Variants in SETBP1 observed in about 807,000 individuals in gnomAD.
The protein encoded by SETBP1 is SET-binding protein.
In SETBP1, 9 loss-of-function variants were observed where a neutral mutation model predicts 101.0. That is an observed-to-expected ratio of 0.09 (90% CI 0.05 to 0.16). The LOEUF (loss-of-function observed/expected upper bound fraction) is 0.16, where lower values mean the gene tolerates loss of function less well. SETBP1 is among the 10% of genes least tolerant of loss of function. SETBP1 has a pLI of 1.00. For synonymous variants in SETBP1, 818 were observed against 788.5 expected, an observed-to-expected ratio of 1.04 and a Z score of -0.63; for missense variants, 1,858 against 2,033.8, an observed-to-expected ratio of 0.91 and a Z score of 1.66.
chr18:45,016,282 G>A (rs904585696), intron 4 of SETBP1, among the ~76,000 whole-genome samples: 3 of 152,156 alleles, frequency 2.0e-5, no homozygotes, highest in Non-Finnish European at 2.9e-5. Flanking sequence ...CAGCCACAGC[G>A]TCTAGGAGAA....
At chr18:44,769,130 G>C (rs1335197485) in intron 2 of SETBP1, among the ~76,000 whole-genome samples, 1 of 152,200 alleles carries the variant, frequency 6.6e-6, no homozygotes, top group East Asian at 1.9e-4. Context: ...TGGTTTGGTG[G>C]TTGGTCCAGA....
At chr18:44,770,990 G>T (rs771667430) in intron 2 of SETBP1, among the ~76,000 whole-genome samples, 1 of 152,030 alleles carries the variant, frequency 6.6e-6, no homozygotes, top group Non-Finnish European at 1.5e-5. Flanking sequence ...GTGGCCTGCT[G>T]CATATTGAGC....
At chr18:45,062,876 C>T (rs2073910798) in intron 5 of SETBP1, among the ~76,000 whole-genome samples, 1 of 152,072 alleles carries the variant, frequency 6.6e-6, no homozygotes. Flanking sequence ...AAGTACTTTG[C>T]ATGCACAGTG....
intron 2 of SETBP1, among the ~76,000 whole-genome samples, chr18:44,801,202 G>A (rs999367321): frequency 6.6e-6 from 1 of 152,134 alleles, no homozygotes; most frequent in East Asian, 1.9e-4. Context: ...AATGGGTGCA[G>A]CACACCAACA....
rs2072356379 is a variant in SETBP1 at position 44,831,174 on chromosome 18, A to C, written c.487-38056A>C. On this transcript the variant is annotated intron_variant, in intron 2 of 5. Coordinates refer to ENST00000649279, the MANE Select transcript of SETBP1 (RefSeq NM_015559.3). ...ACATTGCCTATGATGAACCGTTCTT[A>C]TGTTGGCCTCAACTGATGTGGAGTA... 1.3e-5 allele frequency among the ~76,000 whole-genome samples: 2 copies of C among 152,222 alleles called. 1 individual carries two copies. Among genetic ancestry groups the C allele is most frequent in the South Asian group, 4.1e-4 (2 of 4,836 alleles).
rs117179225 is a variant in SETBP1, at chr18:44,813,981, A to G, written c.487-55249A>G. Among the ~76,000 whole-genome samples, 1,413 of 152,296 alleles carry G rather than the reference A, an allele frequency of 9.3e-3. 14 individuals are homozygous for G. Among genetic ancestry groups the G allele is most frequent in the Non-Finnish European group, 0.015 (1,017 of 68,026 alleles). On this transcript the variant is annotated intron_variant, in intron 2 of 5. Coordinates refer to ENST00000649279, the MANE Select transcript of SETBP1 (RefSeq NM_015559.3). ...TGGTTCTGTTCCGTGATAGAGTCCA[A>G]GTCCTATAGGCTGGAAATAATGATA...
At chr18:44,967,073 G>GC (rs549492903) in intron 4 of SETBP1, among the ~76,000 whole-genome samples, 1 of 152,186 alleles carries the variant, frequency 6.6e-6, no homozygotes, top group Non-Finnish European at 1.5e-5. Flanking sequence ...AGGCTTTCCT[G>GC]CCCAATTACA....
intron 2 of SETBP1, among the ~76,000 whole-genome samples, chr18:44,788,554 A>G (rs1057050731): frequency 3.9e-5 from 6 of 152,174 alleles, no homozygotes; most frequent in Non-Finnish European, 5.9e-5. Context: ...CCTTGCTCAT[A>G]TAATAGTCTG....
chr18:44,964,587 A>G (rs1324271163), intron 4 of SETBP1, among the ~76,000 whole-genome samples: 23 of 125,580 alleles, frequency 1.8e-4, no homozygotes, highest in Admixed American at 1.6e-3. Context: ...CGTTTTTATT[A>G]TCTTAAAAAA....
intron 1 of SETBP1, among the ~76,000 whole-genome samples, chr18:44,693,585 C>G (rs958657235): frequency 3.3e-5 from 5 of 151,978 alleles, no homozygotes; most frequent in African/African-American, 7.3e-5. Context: ...TTGTGACTCC[C>G]CACCAAAATA....
chr18:44,738,661 C>T (rs1428583363), intron 2 of SETBP1, among the ~76,000 whole-genome samples: 1 of 151,806 alleles, frequency 6.6e-6, no homozygotes, highest in Non-Finnish European at 1.5e-5. Flanking sequence ...GGAATGCCAG[C>T]TCCTCAGGAG....
At position 45,006,342 on chromosome 18, in the gene SETBP1, T is replaced by G. The variant is rs941939137; in HGVS notation, c.4001-32143T>G. On this transcript the variant is annotated intron_variant, in intron 4 of 5. Coordinates refer to ENST00000649279, the MANE Select transcript of SETBP1 (RefSeq NM_015559.3). Reference sequence around the variant, plus strand: ...TCCTACTAGCTTGTTCTTTAATTGTTCCTTGTAGGTTCGTTCAGAGTCTTT... The same window carrying G: ...TCCTACTAGCTTGTTCTTTAATTGTGCCTTGTAGGTTCGTTCAGAGTCTTT... Among the ~76,000 whole-genome samples, 4 of 152,184 alleles carry G rather than the reference T, an allele frequency of 2.6e-5. No individual in the cohort carries two copies. The East Asian group carries it at 7.7e-4, about 29-fold the overall frequency.
At chr18:44,859,901 T>C (rs939458324) in intron 2 of SETBP1, among the ~76,000 whole-genome samples, 1 of 152,218 alleles carries the variant, frequency 6.6e-6, no homozygotes. Context: ...GTAATCATGA[T>C]TAATTGCTCC....
chr18:44,929,600 T>C (rs1599335751), intron 3 of SETBP1, among the ~76,000 whole-genome samples: 2 of 152,222 alleles, frequency 1.3e-5, no homozygotes, highest in Middle Eastern at 3.2e-3. Flanking sequence ...TTGTATCCTC[T>C]TTTATTTCAT....
chr18:44,907,523 G>A (rs188845613), intron 3 of SETBP1, among the ~76,000 whole-genome samples: 25 of 152,184 alleles, frequency 1.6e-4, no homozygotes, highest in East Asian at 3.9e-4. Flanking sequence ...ATTTTCTGTC[G>A]TCCATCTGTT....
chr18:45,019,734 T>C (rs990590002), intron 4 of SETBP1, among the ~76,000 whole-genome samples: 6 of 152,220 alleles, frequency 3.9e-5, no homozygotes, highest in African/African-American at 1.4e-4. Context: ...GGCCATTACC[T>C]GTTTGAACCC....
At chr18:44,779,914 A>G (rs2071088136) in intron 2 of SETBP1, among the ~76,000 whole-genome samples, 1 of 139,146 alleles carries the variant, frequency 7.2e-6, no homozygotes, top group Admixed American at 7.5e-5. Flanking sequence ...AGCCCCGAAC[A>G]CACACACACA....
intron 2 of SETBP1, among the ~76,000 whole-genome samples, chr18:44,703,967 G>A (rs1344543067): frequency 6.6e-6 from 1 of 152,174 alleles, no homozygotes; most frequent in African/African-American, 2.4e-5. Context: ...GTGTGGGTGG[G>A]TTGTCTTGAG....
chr18:44,731,829 C>A (rs777682954), intron 2 of SETBP1, among the ~76,000 whole-genome samples: 1 of 152,148 alleles, frequency 6.6e-6, no homozygotes, highest in Non-Finnish European at 1.5e-5. Flanking sequence ...GCCTGGTCCA[C>A]GTGAAGACAG....
Sources: allele counts gnomAD v4.1 joint callset (sites outside exome capture counted in the v4.1 genomes callset), GRCh38; gene constraint gnomAD v4.1.1; transcripts MANE v1.5; gene names NCBI Gene and HGNC (gene_info 2026-07-23, HGNC 2026-07-21).